Variants in SYT14 observed in about 807,000 individuals in gnomAD.
SYT14 encodes the protein synaptotagmin 14.
SYT14 carries 32 observed loss-of-function variants against 74.2 expected under a neutral mutation model. That is an observed-to-expected ratio of 0.43 (90% CI 0.33 to 0.58). The LOEUF (loss-of-function observed/expected upper bound fraction) is 0.58. SYT14 is among the 20% of genes least tolerant of loss of function. SYT14 has a pLI of 0.05. For synonymous variants in SYT14, 298 were observed against 337.7 expected, an observed-to-expected ratio of 0.88 and a Z score of 1.29; for missense variants, 791 against 981.8, an observed-to-expected ratio of 0.81 and a Z score of 2.60.
chr1:210,020,075 T>C (rs1259456312), intron 4 of SYT14, among the ~76,000 whole-genome samples: 1 of 152,172 alleles, frequency 6.6e-6, no homozygotes, highest in Non-Finnish European at 1.5e-5. Context: ...ATGTATGCAT[T>C]ATGTGTGTGT....
intron 5 of SYT14, among the ~76,000 whole-genome samples, chr1:210,032,893 C>A (rs869236968): frequency 6.6e-6 from 1 of 151,664 alleles, no homozygotes; most frequent in Non-Finnish European, 1.5e-5. Flanking sequence ...TAAGTATTCT[C>A]AATTTGTTCA....
At chr1:209,980,900 T>A (rs1050848634) in intron 2 of SYT14, among the ~76,000 whole-genome samples, 6 of 152,238 alleles carry the variant, frequency 3.9e-5, no homozygotes, top group Admixed American at 3.3e-4. Flanking sequence ...AACTTTGTTC[T>A]TTTTGCTTAG....
intron 7 of SYT14, among the ~76,000 whole-genome samples, chr1:210,101,680 G>A (rs1173725887): frequency 6.7e-6 from 1 of 149,742 alleles, no homozygotes; most frequent in Non-Finnish European, 1.5e-5. Context: ...AAGAGTTCAG[G>A]CAATATTTCG....
intron 7 of SYT14, among the ~76,000 whole-genome samples, chr1:210,107,154 G>A (rs2082172934): frequency 1.3e-5 from 2 of 152,226 alleles, no homozygotes; most frequent in Admixed American, 6.5e-5. Flanking sequence ...TGCAAGAGAT[G>A]GGCTCCCACA....
intron 5 of SYT14, among the ~76,000 whole-genome samples, chr1:210,090,863 G>A (rs2102514473): frequency 6.6e-6 from 1 of 152,056 alleles, no homozygotes; most frequent in Admixed American, 6.6e-5. Context: ...TTAAAAAGGA[G>A]GGATCTTCAT....
exon 4 of SYT14, chr1:210,016,223 A>C (rs2080179731): frequency 8.1e-7 from 1 of 1,232,160 alleles, no homozygotes; most frequent in South Asian, 4.1e-5. Context: ...TAAACAAAAA[A>C]ATGCCGGGTT....
At chr1:210,032,099 T>G (rs966027913) in intron 5 of SYT14, among the ~76,000 whole-genome samples, 1 of 152,028 alleles carries the variant, frequency 6.6e-6, no homozygotes, top group Non-Finnish European at 1.5e-5. Context: ...TTTTTTCTCT[T>G]CTTCATATGG....
At chr1:210,125,226 C>G (rs181480108) in intron 7 of SYT14, among the ~76,000 whole-genome samples, 13 of 151,922 alleles carry the variant, frequency 8.6e-5, no homozygotes, top group South Asian at 2.1e-4. Flanking sequence ...CACCCTCCCC[C>G]CTTTTGAAAT....
chr1:209,955,580 C>T (rs533971867), intron 2 of SYT14, among the ~76,000 whole-genome samples: 2 of 152,214 alleles, frequency 1.3e-5, no homozygotes, highest in East Asian at 1.9e-4. Context: ...GGTTTCCCTA[C>T]TTGGCATTTT....
At chr1:209,987,804 A>G (rs898527524) in intron 2 of SYT14, among the ~76,000 whole-genome samples, 12 of 152,104 alleles carry the variant, frequency 7.9e-5, no homozygotes, top group African/African-American at 1.9e-4. Context: ...CACTTGTTCT[A>G]TCTTTTATTA....
intron 7 of SYT14, among the ~76,000 whole-genome samples, chr1:210,134,049 T>TTTG (rs925576183): frequency 1.3e-5 from 2 of 151,472 alleles, no homozygotes; most frequent in Non-Finnish European, 2.9e-5. Flanking sequence ...TTGGTTAGGT[T>TTTG]TTGTTGTTGT....
chr1:210,078,145 C>T (rs2081541166), intron 5 of SYT14, among the ~76,000 whole-genome samples: 1 of 151,562 alleles, frequency 6.6e-6, no homozygotes, highest in Admixed American at 6.6e-5. Flanking sequence ...CCCGTCTCTA[C>T]TAAAAATACA....
At chr1:210,013,685 G>T in exon 3 of SYT14, 1 of 1,612,876 alleles carries the variant, frequency 6.2e-7, no homozygotes. Context: ...TTATTATCTT[G>T]ATGCTGCTCC....
chr1:210,086,662 C>T (rs749881344), intron 5 of SYT14, among the ~76,000 whole-genome samples: 1 of 152,190 alleles, frequency 6.6e-6, no homozygotes, highest in Non-Finnish European at 1.5e-5. Flanking sequence ...CCCAGGCGCT[C>T]AGTGGACTCA....
In SYT14 at chr1:210,121,517, A is replaced by G. The variant is rs191083813; in HGVS notation, c.2034+21056A>G. Among the ~76,000 whole-genome samples, 737 of 152,278 alleles carry G rather than the reference A, an allele frequency of 4.8e-3. 3 individuals are homozygous for G. The highest frequency in any genetic ancestry group is 0.016 in the African/African-American group (657 of 41,562). On this transcript the variant is annotated intron_variant, in intron 7 of 9. Coordinates refer to ENST00000637265, the Ensembl canonical transcript of SYT14. Reference sequence around the variant, plus strand: ...TTGGAAATATATTCTGAGTAGGGCCAGGCGCGGTGGCTCACACCTGTAATC... The same window carrying G: ...TTGGAAATATATTCTGAGTAGGGCCGGGCGCGGTGGCTCACACCTGTAATC...
intron 2 of SYT14, among the ~76,000 whole-genome samples, chr1:209,975,989 A>G (rs532447173): frequency 3.9e-5 from 6 of 152,084 alleles, no homozygotes; most frequent in South Asian, 2.1e-4. Context: ...GTTTATTTGC[A>G]TAGAGGTGTT....
chr1:210,163,606 A>G (rs1558234965), exon 10 of SYT14: 5 of 453,364 alleles, frequency 1.1e-5, no homozygotes, highest in African/African-American at 2.0e-5. Flanking sequence ...TATTTACTAG[A>G]TATTATATTT....
intron 7 of SYT14, among the ~76,000 whole-genome samples, chr1:210,107,616 A>G (rs1004756750): frequency 6.6e-6 from 1 of 152,164 alleles, no homozygotes; most frequent in Admixed American, 6.5e-5. Context: ...ACCCTCTCCT[A>G]TTTAACTTAG....
intron 7 of SYT14, among the ~76,000 whole-genome samples, chr1:210,120,093 G>C (rs1480046506): frequency 3.3e-5 from 5 of 151,382 alleles, no homozygotes; most frequent in Non-Finnish European, 5.9e-5. Flanking sequence ...CCTTTTTATA[G>C]TCAGTCACTT....
Sources: gnomAD v4.1 joint callset for allele counts (sites outside exome capture counted in the v4.1 genomes callset) on GRCh38, gnomAD v4.1.1 for gene constraint, MANE v1.5 for transcripts, NCBI Gene and HGNC (gene_info 2026-07-23, HGNC 2026-07-21) for gene names.